The following CSPP1 variants were observed in gnomAD, a reference collection of about 807,000 sequenced individuals.
The protein encoded by CSPP1 is centrosome and spindle pole associated protein 1, also known as centrosome and spindle pole-associated protein 1.
CSPP1 carries 126 observed loss-of-function variants against 164.4 expected under a neutral mutation model. That is an observed-to-expected ratio of 0.77 (90% CI 0.66 to 0.89). The LOEUF is 0.89. Ranked by LOEUF, CSPP1 falls within the 40% of genes least tolerant of loss-of-function variation. The pLI, the probability that CSPP1 is intolerant of heterozygous loss-of-function variation, is 0.00. For synonymous variants in CSPP1, 472 were observed against 476.7 expected, an observed-to-expected ratio of 0.99 and a Z score of 0.13; for missense variants, 1,395 against 1,449.8, an observed-to-expected ratio of 0.96 and a Z score of 0.61.
intron 27 of CSPP1, among the ~76,000 whole-genome samples, chr8:67,179,432 A>T (rs1397467466): frequency 6.6e-6 from 1 of 152,216 alleles, no homozygotes; most frequent in Non-Finnish European, 1.5e-5. Flanking sequence ...TGAAAGAAAT[A>T]GTAAGTGGGC....
intron 29 of CSPP1, 117 bp downstream of exon 29, chr8:67,190,876 G>A (rs1012516760): frequency 2.8e-6 from 2 of 725,100 alleles, no homozygotes; most frequent in African/African-American, 1.7e-5. Context: ...TCAGACATGG[G>A]TCTGAATCTA....
intron 28 of CSPP1, among the ~76,000 whole-genome samples, chr8:67,181,515 G>A (rs1407966998): frequency 6.6e-6 from 1 of 152,000 alleles, no homozygotes; most frequent in Non-Finnish European, 1.5e-5. Context: ...GTGTGTTGGA[G>A]TATTGCATGA....
intron 17 of CSPP1, among the ~76,000 whole-genome samples, chr8:67,145,520 C>CTT (rs1053090081): frequency 1.5e-4 from 21 of 143,626 alleles, no homozygotes; most frequent in African/African-American, 4.6e-4. Flanking sequence ...TAATTTCTTT[C>CTT]TTTTTTTTTT....
chr8:67,179,922 T>C lies in CSPP1; in HGVS notation c.3216T>C (p.Phe1072=). 6.6e-7 allele frequency: 1 copy of C among 1,517,288 alleles called. No individual in the cohort carries two copies. The highest frequency in any genetic ancestry group is 1.1e-5 in the South Asian group (1 of 88,784). The allele number at this position is 1,517,288 out of a possible 1,614,324, so 94.0% of individuals were successfully genotyped here. The change falls in exon 28 of 31, where the codon TTT becomes TTC. Residue 1072 remains phenylalanine (F), a synonymous_variant. Coordinates refer to ENST00000678616, the MANE Select transcript of CSPP1 (RefSeq NM_001382391.1). ...KNSLLESDSA[F]IGAYGETYPA... is the part of the protein sequence containing the mutation. ...CATTATTGGAATCTGATAGTGCTTT[T>C]ATTGGTGAGTATATTTATTTTATTA...
intron 16 of CSPP1, chr8:67,133,441 A>C (rs1821640088): frequency 6.6e-6 from 1 of 152,258 alleles, no homozygotes; most frequent in East Asian, 1.9e-4. Flanking sequence ...GTGCATGCAG[A>C]GTTATCTTTA....
At chr8:67,126,831 T>C (rs933750540) in intron 15 of CSPP1, among the ~76,000 whole-genome samples, 1 of 152,144 alleles carries the variant, frequency 6.6e-6, no homozygotes, top group African/African-American at 2.4e-5. Context: ...TAGATAGCTA[T>C]GATGTTAAGT....
intron 15 of CSPP1, among the ~76,000 whole-genome samples, chr8:67,131,433 C>G (rs1821215280): frequency 6.6e-6 from 1 of 152,130 alleles, no homozygotes; most frequent in African/African-American, 2.4e-5. Flanking sequence ...ATTTATGTAA[C>G]AACAATATGT....
At chr8:67,159,496 A>G (rs1053793897) in intron 21 of CSPP1, among the ~76,000 whole-genome samples, 1 of 132,528 alleles carries the variant, frequency 7.5e-6, no homozygotes, top group East Asian at 2.2e-4. Context: ...TTATATATAT[A>G]TATATATGTA....
intron 7 of CSPP1, among the ~76,000 whole-genome samples, chr8:67,100,805 A>ATC (rs1491105387): frequency 6.7e-6 from 1 of 148,564 alleles, no homozygotes; most frequent in Non-Finnish European, 1.5e-5. Flanking sequence ...ATATATATAT[A>ATC]AATAAAGATT....
intron 17 of CSPP1, among the ~76,000 whole-genome samples, chr8:67,139,778 G>A (rs1231624712): frequency 5.3e-5 from 8 of 152,132 alleles, no homozygotes; most frequent in Non-Finnish European, 1.2e-4. Context: ...TCACTCATAG[G>A]TGGGAATTGA....
chr8:67,193,905 A>T (rs1837132154), intron 30 of CSPP1, among the ~76,000 whole-genome samples: 2 of 152,374 alleles, frequency 1.3e-5, no homozygotes, highest in East Asian at 3.8e-4. Flanking sequence ...GATAATAGTA[A>T]TCACTTTACT....
intron 26 of CSPP1, among the ~76,000 whole-genome samples, chr8:67,175,893 C>T (rs1234064215): frequency 2.6e-5 from 4 of 152,134 alleles, no homozygotes; most frequent in Non-Finnish European, 4.4e-5. Flanking sequence ...AATATGTTTT[C>T]GTATAATCAA....
At chr8:67,074,110 T>A (rs945815567) in intron 1 of CSPP1, 133 bp from the exon 2 acceptor site, 1 of 545,380 alleles carries the variant, frequency 1.8e-6, no homozygotes, top group Non-Finnish European at 3.3e-6. Flanking sequence ...GGCATATTTA[T>A]GATCAATCTT....
chr8:67,117,529 T>C (rs1361379325), intron 13 of CSPP1, among the ~76,000 whole-genome samples: 6 of 152,234 alleles, frequency 3.9e-5, no homozygotes, highest in African/African-American at 1.4e-4. Context: ...GAAGTGCTAA[T>C]GTAGAGGTTT....
chr8:67,130,971 A>G (rs1821116545), intron 15 of CSPP1, among the ~76,000 whole-genome samples: 1 of 152,188 alleles, frequency 6.6e-6, no homozygotes, highest in Non-Finnish European at 1.5e-5. Context: ...CTGGGCGACA[A>G]GAGTGAAACT....
intron 1 of CSPP1, among the ~76,000 whole-genome samples, chr8:67,067,201 C>T (rs1376058550): frequency 1.3e-5 from 2 of 152,154 alleles, no homozygotes; most frequent in Non-Finnish European, 2.9e-5. Context: ...CAACATTTTC[C>T]CATCTTTTTG....
intron 21 of CSPP1, 42 bp downstream of exon 21, chr8:67,159,179 C>T: frequency 1.3e-6 from 2 of 1,536,144 alleles, no homozygotes; most frequent in Non-Finnish European, 1.8e-6. Flanking sequence ...CATAGTTTAA[C>T]TCACTTTCAC....
At chr8:67,176,724 C>T (rs1370091491) in intron 26 of CSPP1, among the ~76,000 whole-genome samples, 9 of 152,162 alleles carry the variant, frequency 5.9e-5, no homozygotes, top group Admixed American at 4.6e-4. Flanking sequence ...CTATCTCCCA[C>T]AGCAGCCACT....
chr8:67,105,787 A>G (rs1815378293), intron 8 of CSPP1, 118 bp from the exon 9 acceptor site: 1 of 627,362 alleles, frequency 1.6e-6, no homozygotes, highest in Non-Finnish European at 2.8e-6. Flanking sequence ...TAAATATTTT[A>G]ATGTCCATAG....
Sources: allele counts gnomAD v4.1 joint callset (sites outside exome capture counted in the v4.1 genomes callset), GRCh38; gene constraint gnomAD v4.1.1; transcripts MANE v1.5; gene names NCBI Gene and HGNC (gene_info 2026-07-23, HGNC 2026-07-21).